STAT1: variants seen among roughly 807,000 people sequenced by gnomAD.
The protein encoded by STAT1 is signal transducer and activator of transcription 1-alpha/beta.
Under a neutral mutation model 111.7 loss-of-function variants are expected in STAT1, and 24 were observed. The ratio of observed to expected loss-of-function variants is 0.21; its 90% confidence interval spans 0.16 to 0.30. The LOEUF (loss-of-function observed/expected upper bound fraction) is 0.30. STAT1 is among the 10% of genes least tolerant of loss of function. STAT1 has a pLI of 1.00. For synonymous variants in STAT1, 332 were observed against 326.5 expected (o/e 1.02, Z -0.18); for missense variants, 351 against 911.9 (o/e 0.38, Z 7.92).
Position 190,971,394 on chromosome 2 carries a change from T to A in STAT1, c.2239-677A>T, listed in dbSNP as rs1405308968. ...GACATTGCTGATTGTCCCATCTGGC[T>A]GTGAGGGTGCATGTGCTTACTGGTA... On this transcript the variant is annotated intron_variant, in intron 24 of 24. Coordinates refer to ENST00000361099, the MANE Select transcript of STAT1 (RefSeq NM_007315.4). This position sits in a 1 kb window ranked among gnomAD's most constrained non-coding sequence, Gnocchi z 4.1. Among the ~76,000 whole-genome samples, 1 of 152,188 alleles carries A rather than the reference T, an allele frequency of 6.6e-6. No homozygotes were observed. The highest frequency in any genetic ancestry group is 2.4e-5 in the African/African-American group (1 of 41,454).
chr2:191,001,881 C>T (rs1694295817), intron 5 of STAT1, among the ~76,000 whole-genome samples: 1 of 152,112 alleles, frequency 6.6e-6, no homozygotes, highest in South Asian at 2.1e-4. Flanking sequence ...AGAGTGGTAA[C>T]CAGTGATCCC....
chr2:190,993,593 C>A lies in STAT1; in HGVS notation c.944+1468G>T, dbSNP rs908506924. 3.4e-5 allele frequency: 20 copies of A among 594,550 alleles called. No homozygotes were observed. The African/African-American group carries it at 3.7e-4, about 11-fold the overall frequency. 36.8% of individuals were successfully genotyped at this position (594,550 alleles called of 1,614,324 possible). A position where few individuals can be genotyped will look rare whatever the true frequency, so the allele number is the denominator to read the frequency against. ...GTCACTGTAGCTGCCACCGCTGCCA[C>A]GGCCACCCTTGCTGCTACAGCTGCT... On this transcript the variant is annotated intron_variant, in intron 10 of 24. Transcript: ENST00000361099. This position sits in a 1 kb window ranked among gnomAD's most constrained non-coding sequence, Gnocchi z 4.1.
chr2:190,986,056 CGTCAATCTCTGAGCT>C lies in STAT1; in HGVS notation c.1222-411_1222-397del, dbSNP rs1559011232. On this transcript the variant is annotated intron_variant, in intron 14 of 24. Transcript: ENST00000361099. This position sits in a 1 kb window ranked among gnomAD's most constrained non-coding sequence, Gnocchi z 5.0. Reference sequence around the variant, plus strand: ...CCAGGTCCACCTGCCCTCAAGTGGACGTCAATCTCTGAGCTGTCAATCCCTGAGCTGACGAGGGAG... The same window carrying C: ...CCAGGTCCACCTGCCCTCAAGTGGACGTCAATCCCTGAGCTGACGAGGGAG... Among the ~76,000 whole-genome samples, 1 of 152,172 alleles carries C rather than the reference CGTCAATCTCTGAGCT, an allele frequency of 6.6e-6. No individual in the cohort carries two copies.
rs1435542560 is a variant in STAT1 at position 190,990,407 on chromosome 2, G to T, written c.1038-733C>A. Among the ~76,000 whole-genome samples the T allele has an allele frequency of 6.6e-6, 1 of 151,942 alleles. No individual in the cohort carries two copies. The highest frequency in any genetic ancestry group is 1.5e-5 in the Non-Finnish European group (1 of 67,996). On this transcript the variant is annotated intron_variant, in intron 11 of 24. Transcript: ENST00000361099. This position sits in a 1 kb window ranked among gnomAD's most constrained non-coding sequence, Gnocchi z 5.1. ...AAAAGGACCCGGGCCAACTATGAAGGCCAGTCCAGTTCTTCAGCGTCTAGC... is the reference window on the plus strand; with the variant it reads ...AAAAGGACCCGGGCCAACTATGAAGTCCAGTCCAGTTCTTCAGCGTCTAGC...
rs987175009 is a variant in STAT1, at chr2:191,004,869, A to T, written c.372+2694T>A. On this transcript the variant is annotated intron_variant, in intron 5 of 24. Transcript: ENST00000361099. This position sits in a 1 kb window ranked among gnomAD's most constrained non-coding sequence, Gnocchi z 5.0. ...CATGTCTTTCCCTCCCACCTGAAAG[A>T]AATTCTCCCCATCCCTTCAGACCCT... Among the ~76,000 whole-genome samples the T allele has an allele frequency of 6.6e-6, 1 of 152,194 alleles. No individual in the cohort carries two copies. Among genetic ancestry groups the T allele is most frequent in the Non-Finnish European group, 1.5e-5 (1 of 68,032 alleles).
At chr2:191,009,177 T>G (rs1694936268) in intron 3 of STAT1, 70 bp from the exon 4 acceptor site, 19 of 1,538,912 alleles carry the variant, frequency 1.2e-5, no homozygotes, top group Non-Finnish European at 1.5e-5. Context: ...AAAACAAATG[T>G]TGGTTTCCTT....
Position 190,996,406 on chromosome 2 carries a change from G to A in STAT1, c.786-1187C>T, listed in dbSNP as rs1031447391. On this transcript the variant is annotated intron_variant, in intron 9 of 24. Transcript: ENST00000361099. This position sits in a 1 kb window ranked among gnomAD's most constrained non-coding sequence, Gnocchi z 4.5. ...CAGGAAAGGAGAAGGCAGGATAACG[G>A]CTGGCTGAGTTCCAGCGGAGAAGCT... 6.6e-6 allele frequency among the ~76,000 whole-genome samples: 1 copy of A among 152,248 alleles called. No homozygotes were observed. Among genetic ancestry groups the A allele is most frequent in the Non-Finnish European group, 1.5e-5 (1 of 68,042 alleles).
chr2:190,993,078 C>T lies in STAT1; in HGVS notation c.945-1758G>A. ...GTGCTGGGATTACAGGCATGAGCCA[C>T]CGTGCCGGGCCTTGTTGCATTCCTA... On this transcript the variant is annotated intron_variant, in intron 10 of 24. Transcript: ENST00000361099. The surrounding 1 kb of genome is among the most constrained non-coding windows in gnomAD (Gnocchi z 4.1). 2 of 359,364 alleles carry T rather than the reference C, an allele frequency of 5.6e-6. No homozygotes were observed. The highest frequency in any genetic ancestry group is 4.8e-5 in the South Asian group (2 of 41,582). 22.3% of individuals were successfully genotyped at this position (359,364 alleles called of 1,614,324 possible).
chr2:190,987,185 T>A lies in STAT1; in HGVS notation c.1098-117A>T. ...AAGTGAATGATGAATAAAAAATAAATCTACACCTATGGATTTGCAGCCTTT... is the reference window on the plus strand; with the variant it reads ...AAGTGAATGATGAATAAAAAATAAAACTACACCTATGGATTTGCAGCCTTT... On this transcript the variant is annotated intron_variant, in intron 12 of 24. Transcript: ENST00000361099. The surrounding 1 kb of genome is among the most constrained non-coding windows in gnomAD (Gnocchi z 4.0). 1 of 806,564 alleles carries A rather than the reference T, an allele frequency of 1.2e-6. No homozygotes were observed. The highest frequency in any genetic ancestry group is 1.5e-5 in the South Asian group (1 of 65,018). 50.0% of individuals were successfully genotyped at this position (806,564 alleles called of 1,614,324 possible).
chr2:190,983,867 G>T lies in STAT1; in HGVS notation c.1348-127C>A. ...GTACATATTTAATACTTGAAAATGA[G>T]AAGTGTTAAGTTCTGTTCTTCTGTC... On this transcript the variant is annotated intron_variant, in intron 16 of 24. Coordinates refer to ENST00000361099, the MANE Select transcript of STAT1 (RefSeq NM_007315.4). This position sits in a 1 kb window ranked among gnomAD's most constrained non-coding sequence, Gnocchi z 5.7. 1 of 804,552 alleles carries T rather than the reference G, an allele frequency of 1.2e-6. No individual in the cohort carries two copies. The highest frequency in any genetic ancestry group is 2.1e-6 in the Non-Finnish European group (1 of 474,340). The allele number at this position is 804,552 out of a possible 1,614,324, so 49.8% of individuals were successfully genotyped here. A position where few individuals can be genotyped will look rare whatever the true frequency, so the allele number is the denominator to read the frequency against.
rs1691322060 is a variant in STAT1, at chr2:190,969,880, A to C, written c.*823T>G. On this transcript the variant is annotated 3_prime_UTR_variant, in exon 25 of 25. Transcript: ENST00000361099. ...TATGGTTAATTTCAACTTTTGAATG[A>C]GTGGTTGTGAATAGCCTAACTCCCT... 6.6e-6 allele frequency: 1 copy of C among 152,246 alleles called. No homozygotes were observed. Among genetic ancestry groups the C allele is most frequent in the African/African-American group, 2.4e-5 (1 of 41,470 alleles). 9.4% of individuals were successfully genotyped at this position (152,246 alleles called of 1,614,324 possible). A position where few individuals can be genotyped will look rare whatever the true frequency, so the allele number is the denominator to read the frequency against.
At chr2:190,985,007 C>T (rs925218639) in intron 15 of STAT1, among the ~76,000 whole-genome samples, 1 of 152,262 alleles carries the variant, frequency 6.6e-6, no homozygotes, top group Non-Finnish European at 1.5e-5. Context: ...GTTTGTCCCG[C>T]TGCTCCATGT....
rs192462536 is a variant in STAT1 at position 190,975,898 on chromosome 2, A to G, written c.2060-11T>C. 59 of 1,608,006 alleles carry G rather than the reference A, an allele frequency of 3.7e-5. No homozygotes were observed. The Admixed American group carries it at 9.7e-4, about 26-fold the overall frequency. ...CCATTGGCTCTGGTGCTAGAAATAA[A>G]CACATTGTGTACGCTTTCCATCAAC... On this transcript the variant is annotated splice_polypyrimidine_tract_variant and intron_variant, in intron 22 of 24. Coordinates refer to ENST00000361099, the MANE Select transcript of STAT1 (RefSeq NM_007315.4). This position sits in a 1 kb window ranked among gnomAD's most constrained non-coding sequence, Gnocchi z 5.9.
chr2:190,984,397 G>A lies in STAT1; in HGVS notation c.1264-4C>T. ...CTTCAGTAACGATGAGAGGACCCTT[G>A]GAAGAGAAAAGGAAAGAAGAAAAGA... On this transcript the variant is annotated splice_region_variant and splice_polypyrimidine_tract_variant and intron_variant, in intron 15 of 24. Transcript: ENST00000361099. This position sits in a 1 kb window ranked among gnomAD's most constrained non-coding sequence, Gnocchi z 5.2. 3 of 1,611,438 alleles carry A rather than the reference G, an allele frequency of 1.9e-6. No homozygotes were observed. Among genetic ancestry groups the A allele is most frequent in the Non-Finnish European group, 2.5e-6 (3 of 1,177,656 alleles).
intron 5 of STAT1, among the ~76,000 whole-genome samples, chr2:191,005,153 T>C (rs966666686): frequency 2.6e-5 from 4 of 152,238 alleles, no homozygotes; most frequent in East Asian, 3.8e-4. Context: ...GAATTTTGCA[T>C]GTTTTTAACT....
Position 190,975,066 on chromosome 2 carries a change from T to C in STAT1, c.2136-134A>G. The stretch of plus-strand genomic sequence containing the variant: ...TTTTATTTTGGGTAAGTGCATACAC[T>C]TGTAAAATACATTTGCAAAAGTACA... On this transcript the variant is annotated intron_variant, in intron 23 of 24. Transcript: ENST00000361099. This position sits in a 1 kb window ranked among gnomAD's most constrained non-coding sequence, Gnocchi z 5.9. 1.3e-6 allele frequency: 1 copy of C among 789,646 alleles called. No homozygotes were observed. The highest frequency in any genetic ancestry group is 1.5e-5 in the South Asian group (1 of 68,356). The allele number at this position is 789,646 out of a possible 1,614,324, so 48.9% of individuals were successfully genotyped here.
In STAT1 at chr2:190,979,989, C is replaced by A; in HGVS notation, c.1633-123G>T. ...AAGGATGGAACTGTCCCATTCAGCACAGCAATGGGATCCCTCCCCTGGCAG... is the reference window on the plus strand; with the variant it reads ...AAGGATGGAACTGTCCCATTCAGCAAAGCAATGGGATCCCTCCCCTGGCAG... On this transcript the variant is annotated intron_variant, in intron 19 of 24. Transcript: ENST00000361099. This position sits in a 1 kb window ranked among gnomAD's most constrained non-coding sequence, Gnocchi z 5.8. 1.4e-6 allele frequency: 1 copy of A among 708,836 alleles called. No homozygotes were observed. The allele number at this position is 708,836 out of a possible 1,614,324, so 43.9% of individuals were successfully genotyped here. A position where few individuals can be genotyped will look rare whatever the true frequency, so the allele number is the denominator to read the frequency against.
At position 191,009,097 on chromosome 2, in the gene STAT1, C is replaced by T. The variant is rs2125101045; in HGVS notation, c.139G>A (p.Ala47Thr). The change falls in exon 4 of 25, where the codon GCC becomes ACC. Residue 47 changes from alanine to threonine, a missense_variant. Physicochemically the swap from Ala to Thr is moderately conservative, Grantham distance 58. Transcript: ENST00000361099. ...ATGGTGGCAAATGAAACATCATTGG[C>T]AGCGTGCTCCCTAGGAGATTTAACA... ...WLEKQDWEHA[A>T]NDVSFATIRF... The T allele has an allele frequency of 6.2e-7, 1 of 1,614,064 alleles. No individual in the cohort carries two copies. Among genetic ancestry groups the T allele is most frequent in the Non-Finnish European group, 8.5e-7 (1 of 1,179,962 alleles).
In STAT1 at chr2:190,969,689, T is replaced by G; in HGVS notation, c.*1014A>C. The G allele has an allele frequency of 6.6e-6, 1 of 152,236 alleles. No homozygotes were observed. The highest frequency in any genetic ancestry group is 1.9e-4 in the East Asian group (1 of 5,208). 9.4% of individuals were successfully genotyped at this position (152,236 alleles called of 1,614,324 possible). ...ACATAGGAAATGAGTTTTGAAATGA[T>G]CTGATTCTCATATTATCTCTGGTGT... is the stretch of plus-strand genomic sequence containing the variant. On this transcript the variant is annotated 3_prime_UTR_variant, in exon 25 of 25. Coordinates refer to ENST00000361099, the MANE Select transcript of STAT1 (RefSeq NM_007315.4).
Sources: allele counts gnomAD v4.1 joint callset (sites outside exome capture counted in the v4.1 genomes callset), GRCh38; gene constraint gnomAD v4.1.1; non-coding constraint Gnocchi (gnomAD v3.1); transcripts MANE v1.5; gene names NCBI Gene and HGNC (gene_info 2026-07-23, HGNC 2026-07-21).